CPLX2: variants seen among roughly 807,000 people sequenced by gnomAD.
The protein encoded by CPLX2 is complexin 2.
A neutral mutation model predicts 16.3 loss-of-function variants in CPLX2; 5 were observed. The ratio of observed to expected loss-of-function variants is 0.31; its 90% confidence interval spans 0.16 to 0.64. CPLX2 has a LOEUF of 0.64. CPLX2 is among the 30% of genes least tolerant of loss of function. The pLI, the probability that CPLX2 is intolerant of heterozygous loss-of-function variation, is 0.79. For missense variants in CPLX2, 144 were observed against 181.4 expected (o/e 0.79, Z 1.18); for synonymous variants, 89 against 73.2 (o/e 1.22, Z -1.10).
At chr5:175,814,326 G>C (rs1224535361) in intron 2 of CPLX2, among the ~76,000 whole-genome samples, 1 of 152,238 alleles carries the variant, frequency 6.6e-6, no homozygotes, top group East Asian at 1.9e-4. Flanking sequence ...GGAGTGCAGA[G>C]ACCAGGACAG....
At chr5:175,871,308 C>T (rs966596568), upstream of CPLX2, among the ~76,000 whole-genome samples, 2 of 113,426 alleles carry the variant, frequency 1.8e-5, no homozygotes, top group Non-Finnish European at 3.5e-5. Context: ...GGGAGGGGAG[C>T]GAGAAAAGAG....
At chr5:175,871,423 G>GAGAGAGAGAGAGAA (rs1759596254), upstream of CPLX2, 1 of 117,308 alleles carries the variant, frequency 8.5e-6, no homozygotes, top group African/African-American at 3.3e-5. Context: ...GAGAGAGAGA[G>GAGAGAGAGAGAGAA]AGAGAGAGAC....
At position 175,878,707 on chromosome 5, in the gene CPLX2, G is replaced by T. The variant is rs1364304813; in HGVS notation, c.-33G>T. The T allele has an allele frequency of 6.2e-7, 1 of 1,611,220 alleles. No homozygotes were observed. The highest frequency in any genetic ancestry group is 1.1e-5 in the South Asian group (1 of 90,038). On this transcript the variant is annotated 5_prime_UTR_variant, in exon 2 of 4. Coordinates refer to ENST00000393745, the MANE Select transcript of CPLX2 (RefSeq NM_001008220.2). ...AGGAGCGCTGCATGCAAATTCTGCC[G>T]TGGGCTAAGGCACGCTAACCAGAGC... is the stretch of plus-strand genomic sequence containing the variant.
At chr5:175,839,453 T>C (rs1758907585) in intron 2 of CPLX2, among the ~76,000 whole-genome samples, 1 of 152,074 alleles carries the variant, frequency 6.6e-6, no homozygotes. Context: ...GCCCGGCTAA[T>C]GTTTGTATTT....
At chr5:175,877,051 G>C (rs1759774797) in intron 1 of CPLX2, among the ~76,000 whole-genome samples, 1 of 151,984 alleles carries the variant, frequency 6.6e-6, no homozygotes, top group South Asian at 2.1e-4. Context: ...CACTTGACCG[G>C]TATCATTCAT....
At position 175,849,766 on chromosome 5, in the gene CPLX2, C is replaced by T. The variant is rs1474555436; in HGVS notation, c.-88-28886C>T. Among the ~76,000 whole-genome samples, 2 of 152,188 alleles carry T rather than the reference C, an allele frequency of 1.3e-5. No homozygotes were observed. The highest frequency in any genetic ancestry group is 1.9e-4 in the East Asian group (1 of 5,196). On this transcript the variant is annotated intron_variant, in intron 2 of 4. Coordinates refer to the CPLX2 transcript ENST00000359546. This position sits in a 1 kb window ranked among gnomAD's most constrained non-coding sequence, Gnocchi z 4.4. ...GTGAGCTCCAACAGGGCCCTGGACC[C>T]CACCCTGGCTCCATCTCCCCTTGGA...
intron 2 of CPLX2, among the ~76,000 whole-genome samples, chr5:175,835,675 A>G (rs1758815543): frequency 6.6e-6 from 1 of 150,544 alleles, no homozygotes; most frequent in Admixed American, 6.6e-5. Context: ...TAAGTGAGTT[A>G]GTAAGAGAAG....
At chr5:175,850,556 T>A (rs73803069) in intron 2 of CPLX2, among the ~76,000 whole-genome samples, 1,644 of 152,182 alleles carry the variant, frequency 0.011, 32 homozygotes, top group African/African-American at 0.038. Context: ...AGGTGCATGA[T>A]CAAATAAGTT....
chr5:175,853,754 C>G (rs999152127), intron 2 of CPLX2, among the ~76,000 whole-genome samples: 3 of 152,208 alleles, frequency 2.0e-5, no homozygotes, highest in African/African-American at 7.2e-5. Flanking sequence ...TGGAACCACA[C>G]GGCCAGAGCA....
chr5:175,798,011 G>A (rs908921842), intron 1 of CPLX2, among the ~76,000 whole-genome samples: 1 of 152,168 alleles, frequency 6.6e-6, no homozygotes, highest in African/African-American at 2.4e-5. Flanking sequence ...AGGGGGCAGG[G>A]GTGATTCGCC....
intron 2 of CPLX2, among the ~76,000 whole-genome samples, chr5:175,818,254 G>T (rs1758443961): frequency 6.6e-6 from 1 of 152,100 alleles, no homozygotes; most frequent in African/African-American, 2.4e-5. Flanking sequence ...CAGCTAGAGG[G>T]GCACCATGGG....
In CPLX2 at chr5:175,879,411, T is replaced by A. The variant is rs1394064595; in HGVS notation, c.207+328T>A. On this transcript the variant is annotated intron_variant, in intron 3 of 3. Transcript: ENST00000393745. ...AAAAATACCACAGTGTCCTAAGCAC[T>A]TTGTGCTGTCAGCTGTCACTCCCAG... 2.0e-5 allele frequency among the ~76,000 whole-genome samples: 3 copies of A among 152,362 alleles called. No individual in the cohort carries two copies. In the East Asian group the frequency reaches 5.8e-4, roughly 29 times the overall value.
intron 2 of CPLX2, among the ~76,000 whole-genome samples, chr5:175,815,470 C>T (rs1363387092): frequency 1.3e-5 from 2 of 152,096 alleles, no homozygotes; most frequent in Admixed American, 6.5e-5. Flanking sequence ...GTTACCACTC[C>T]AGCAGTTACC....
At chr5:175,871,155 A>G (rs1581101542), upstream of CPLX2, among the ~76,000 whole-genome samples, 1 of 151,378 alleles carries the variant, frequency 6.6e-6, no homozygotes. Flanking sequence ...GCTTTAAAGA[A>G]CCCTTCCTCC....
chr5:175,803,986 C>G (rs540421654), intron 1 of CPLX2, among the ~76,000 whole-genome samples: 11 of 152,334 alleles, frequency 7.2e-5, no homozygotes, highest in African/African-American at 1.9e-4. Context: ...ATAAGGCCAC[C>G]AGGACTGGGG....
chr5:175,870,279 G>A (rs1051646416), upstream of CPLX2, among the ~76,000 whole-genome samples: 33 of 152,224 alleles, frequency 2.2e-4, no homozygotes, highest in South Asian at 4.1e-4. Context: ...TCCAGGTGAC[G>A]AGGATGGGTT....
chr5:175,810,912 A>G (rs1758300687), intron 2 of CPLX2, among the ~76,000 whole-genome samples: 1 of 152,200 alleles, frequency 6.6e-6, no homozygotes, highest in South Asian at 2.1e-4. Flanking sequence ...TATAGAATGT[A>G]TTGGTTTAAG....
chr5:175,871,485 G>GAGAT (rs1561790514), upstream of CPLX2: 6 of 149,512 alleles, frequency 4.0e-5, no homozygotes, highest in South Asian at 2.1e-4. Flanking sequence ...GAGAGAGAGA[G>GAGAT]ATTTGAATTT....
chr5:175,800,837 G>A (rs1758080142), intron 1 of CPLX2, among the ~76,000 whole-genome samples: 1 of 152,160 alleles, frequency 6.6e-6, no homozygotes, highest in Non-Finnish European at 1.5e-5. Context: ...CAATTGAAAA[G>A]CAAATGTGAA....
Sources: allele counts gnomAD v4.1 joint callset (sites outside exome capture counted in the v4.1 genomes callset), GRCh38; gene constraint gnomAD v4.1.1; non-coding constraint Gnocchi (gnomAD v3.1); transcripts MANE v1.5; gene names NCBI Gene and HGNC (gene_info 2026-07-23, HGNC 2026-07-21).